OXTR: variants seen among roughly 807,000 people sequenced by gnomAD.
The protein encoded by OXTR is oxytocin receptor.
A neutral mutation model predicts 23.9 loss-of-function variants in OXTR; 19 were observed. The ratio of observed to expected loss-of-function variants is 0.80; its 90% CI spans 0.56 to 1.17. The LOEUF is 1.17. Ranked by LOEUF, OXTR falls within the 50% of genes most tolerant of loss-of-function variation. OXTR has a pLI of 0.00. For synonymous variants in OXTR, 278 were observed against 250.5 expected (o/e 1.11, Z -1.04); for missense variants, 500 against 550.7 (o/e 0.91, Z 0.92).
At chr3:8,758,348 G>T (rs1708419263) in intron 3 of OXTR, among the ~76,000 whole-genome samples, 1 of 152,102 alleles carries the variant, frequency 6.6e-6, no homozygotes, top group African/African-American at 2.4e-5. Context: ...GAGGCTACCG[G>T]CACGTTTCAT....
intron 3 of OXTR, among the ~76,000 whole-genome samples, chr3:8,760,053 C>T (rs796799056): frequency 6.6e-6 from 1 of 152,266 alleles, no homozygotes; most frequent in South Asian, 2.1e-4. Flanking sequence ...CATGCGCCAA[C>T]TGGACCTGCA....
At chr3:8,745,443 T>A, downstream of OXTR, 1 of 1,060,818 alleles carries the variant, frequency 9.4e-7, no homozygotes, top group Non-Finnish European at 1.5e-6. The surrounding 1 kb of genome is among the most constrained non-coding windows in gnomAD (Gnocchi z 4.8). Flanking sequence ...TCTAGGGGAT[T>A]CTGACACATG....
chr3:8,751,707 C>T lies in OXTR; in HGVS notation c.*1270G>A, dbSNP rs931605854. The stretch of plus-strand genomic sequence containing the variant: ...TGACCGTAAGTATAAGTGTTCATAT[C>T]TGTACTCTTTATTCTGCTCCGTATG... On this transcript the variant is annotated 3_prime_UTR_variant, in exon 4 of 4. Transcript: ENST00000316793. 2.6e-5 allele frequency: 4 copies of T among 152,138 alleles called. No homozygotes were observed. The highest frequency in any genetic ancestry group is 9.7e-5 in the African/African-American group (4 of 41,436). The allele number at this position is 152,138 out of a possible 1,614,324, so 9.4% of individuals were successfully genotyped here.
the OXTR span, among the ~76,000 whole-genome samples, chr3:8,741,564 A>C: frequency 3.9e-5 from 6 of 152,102 alleles, no homozygotes; most frequent in African/African-American, 1.4e-4. Context: ...AACAAACAAA[A>C]AACCTAGGAT....
chr3:8,744,130 T>C, the OXTR span, among the ~76,000 whole-genome samples: 6 of 152,100 alleles, frequency 3.9e-5, no homozygotes, highest in African/African-American at 1.4e-4. Flanking sequence ...GGAGCACTGC[T>C]AGAAAGAAAA....
chr3:8,754,362 A>T (rs1708331522), intron 3 of OXTR, among the ~76,000 whole-genome samples: 1 of 152,214 alleles, frequency 6.6e-6, no homozygotes, highest in Non-Finnish European at 1.5e-5. Context: ...GATGACAGAC[A>T]AGGCCAGGCA....
intron 3 of OXTR, among the ~76,000 whole-genome samples, chr3:8,763,764 T>C (rs549280129): frequency 6.6e-6 from 1 of 152,240 alleles, no homozygotes; most frequent in Non-Finnish European, 1.5e-5. Context: ...GATGCTCCCA[T>C]TGGCTCTTTC....
In OXTR at chr3:8,767,477, T is replaced by A. The variant is rs1233599297; in HGVS notation, c.711A>T (p.Ala237=). ...IWQNLRLKTA[A]AAAAEAPEGA... ...CCTCTGGCGCCTCGGCCGCCGCCGC[T>A]GCAGCGGTCTTGAGCCGCAAGTTCT... Residue 237 remains alanine (A), a synonymous_variant, in exon 3 of 4, where the codon GCA becomes GCT. Coordinates refer to ENST00000316793, the MANE Select transcript of OXTR (RefSeq NM_000916.4). 5 of 1,605,568 alleles carry A rather than the reference T, an allele frequency of 3.1e-6. No individual in the cohort carries two copies. Among genetic ancestry groups the A allele is most frequent in the Non-Finnish European group, 4.3e-6 (5 of 1,176,112 alleles).
Position 8,767,520 on chromosome 3 carries a change from A to C in OXTR, c.668T>G (p.Ile223Ser). The change falls in exon 3 of 4, where the codon ATC becomes AGC. Residue 223 changes from isoleucine (I) to serine (S), a missense_variant. By Grantham distance (142) the Ile-to-Ser change is moderately radical. Coordinates refer to ENST00000316793, the MANE Select transcript of OXTR (RefSeq NM_000916.4). ...VIVLAACYGL[I>S]SFKIWQNLRL... ...CAAGTTCTGCCAGATCTTGAAGCTG[A>C]TAAGGCCGTAGCAGGCAGCGAGCAC... 3 of 1,612,852 alleles carry C rather than the reference A, an allele frequency of 1.9e-6. No individual in the cohort carries two copies. Among genetic ancestry groups the C allele is most frequent in the Non-Finnish European group, 2.5e-6 (3 of 1,179,540 alleles).
rs1256819423 is a variant in OXTR, at chr3:8,767,340, G to T, written c.848C>A (p.Ala283Asp). The change falls in exon 3 of 4, where the codon GCC (alanine) becomes GAC (aspartate). Residue 283 changes from alanine (A) to aspartate (D), a missense_variant. Physicochemically the swap from Ala to Asp is moderately radical, Grantham distance 126. Coordinates refer to ENST00000316793, the MANE Select transcript of OXTR (RefSeq NM_000916.4). ...TVKMTFIIVL[A>D]FIVCWTPFFF... is the part of the protein sequence containing the mutation. ...GAAAGGCGTCCAGCACACGATGAAG[G>T]CCAGCACGATGATGAAAGTCATCTT... The T allele has an allele frequency of 6.2e-7, 1 of 1,611,036 alleles. No homozygotes were observed. Among genetic ancestry groups the T allele is most frequent in the Non-Finnish European group, 8.5e-7 (1 of 1,179,032 alleles).
chr3:8,745,497 G>A (rs774229512), downstream of OXTR: 30 of 1,583,930 alleles, frequency 1.9e-5, no homozygotes, highest in Admixed American at 4.3e-4. This position sits in a 1 kb window ranked among gnomAD's most constrained non-coding sequence, Gnocchi z 4.8. Context: ...GCTTCTGTGA[G>A]TTGAGGCTTC....
chr3:8,743,266 G>A, the OXTR span, among the ~76,000 whole-genome samples: 9 of 152,268 alleles, frequency 5.9e-5, no homozygotes, highest in African/African-American at 1.7e-4. Flanking sequence ...ATGTATGGAT[G>A]AATACATGAA....
Position 8,753,100 on chromosome 3 carries a change from G to A in OXTR, c.1047C>T (p.Ala349=). Residue 349 remains alanine (A), a synonymous_variant, in exon 4 of 4, where the codon GCC becomes GCT. Coordinates refer to ENST00000316793, the MANE Select transcript of OXTR (RefSeq NM_000916.4). ...ELVQRFLCCS[A]SYLKGRRLGE... is the part of the protein sequence containing the mutation. ...CCAGGCGTCTGCCCTTCAGGTAGCT[G>A]GCGGAGCAGCACAGGAAGCGCTGCA... 6.2e-7 allele frequency: 1 copy of A among 1,614,198 alleles called. No homozygotes were observed.
chr3:8,742,643 C>G, the OXTR span: 7 of 417,008 alleles, frequency 1.7e-5, no homozygotes, highest in Non-Finnish European at 3.4e-5. Context: ...ATTACCATCA[C>G]AATAGCCAGG....
At chr3:8,755,333 T>C (rs572718875) in intron 3 of OXTR, among the ~76,000 whole-genome samples, 42 of 152,356 alleles carry the variant, frequency 2.8e-4, no homozygotes, top group Non-Finnish European at 5.4e-4. Context: ...GACATAGGTG[T>C]ATAAAGCTTT....
At chr3:8,754,023 A>G (rs1228536084) in intron 3 of OXTR, among the ~76,000 whole-genome samples, 1 of 152,172 alleles carries the variant, frequency 6.6e-6, no homozygotes, top group African/African-American at 2.4e-5. Flanking sequence ...GGCAGCGAGA[A>G]ACTGTATGAC....
intron 3 of OXTR, among the ~76,000 whole-genome samples, chr3:8,764,401 G>C (rs998250046): frequency 2.8e-4 from 43 of 152,202 alleles, no homozygotes; most frequent in Admixed American, 1.2e-3. Context: ...AAGGGGCCCT[G>C]GTCTAGATAT....
rs199517393 is a variant in OXTR, at chr3:8,767,747, C to T, written c.441G>A (p.Ser147=). The T allele has an allele frequency of 2.5e-6, 4 of 1,607,600 alleles. No individual in the cohort carries two copies. Among genetic ancestry groups the T allele is most frequent in the East Asian group, 2.2e-5 (1 of 44,752 alleles). The change falls in exon 3 of 4, where the codon TCG becomes TCA. Residue 147 remains serine (S), a synonymous_variant. Transcript: ENST00000316793. ...CCAGGCGGTCGGTGCGGCGGCGCAG[C>T]GAGCGCAGCGGCTGGCAGATGGCCA... ...RCLAICQPLR[S]LRRRTDRLAV...
At position 8,768,282 on chromosome 3, in the gene OXTR, CG is replaced by C; in HGVS notation, c.-96del. 1 of 1,228,848 alleles carries C rather than the reference CG, an allele frequency of 8.1e-7. No homozygotes were observed. Among genetic ancestry groups the C allele is most frequent in the Non-Finnish European group, 1.0e-6 (1 of 988,350 alleles). 76.1% of individuals were successfully genotyped at this position (1,228,848 alleles called of 1,614,324 possible). A position where few individuals can be genotyped will look rare whatever the true frequency, so the allele number is the denominator to read the frequency against. ...GCGTGTCGGAGGGTGTAGGGGCGCCCGGGGCTCCACTCCTGGAGACTCCACG... is the reference window on the plus strand; with the variant it reads ...GCGTGTCGGAGGGTGTAGGGGCGCCCGGGCTCCACTCCTGGAGACTCCACG... On this transcript the variant is annotated 5_prime_UTR_variant, in exon 3 of 4. Coordinates refer to ENST00000316793, the MANE Select transcript of OXTR (RefSeq NM_000916.4). This position sits in a 1 kb window ranked among gnomAD's most constrained non-coding sequence, Gnocchi z 5.4.
Sources: allele counts gnomAD v4.1 joint callset (sites outside exome capture counted in the v4.1 genomes callset), GRCh38; gene constraint gnomAD v4.1.1; non-coding constraint Gnocchi (gnomAD v3.1); transcripts MANE v1.5; gene names NCBI Gene and HGNC (gene_info 2026-07-23, HGNC 2026-07-21).